The following LRRC37B variants were observed in gnomAD, a reference collection of about 807,000 sequenced individuals.
The protein encoded by LRRC37B is leucine-rich repeat-containing protein 37B.
In LRRC37B, 28 loss-of-function variants were observed where a neutral mutation model predicts 98.3. The ratio of observed to expected loss-of-function variants is 0.28; its 90% CI spans 0.21 to 0.39. The LOEUF is 0.39. LRRC37B is among the 10% of genes least tolerant of loss of function. LRRC37B has a pLI of 1.00. For synonymous variants in LRRC37B, 364 were observed against 442.7 expected, an observed-to-expected ratio of 0.82 and a Z score of 2.23; for missense variants, 938 against 1,182.7, an observed-to-expected ratio of 0.79 and a Z score of 3.03.
rs1035853418 is a variant in LRRC37B at position 32,021,115 on chromosome 17, CT to C, written c.54del (p.Phe18LeufsTer5). On this transcript the variant is annotated frameshift_variant, in exon 1 of 12. Coordinates refer to ENST00000327564, the Ensembl canonical transcript of LRRC37B. LOFTEE classifies it high-confidence loss of function. Reference sequence around the variant, plus strand: ...GAGCATCTCAGGGCTGCCAGAATGGCTTTTGCTGAGTGCATAGCACCAGCGT... The same window carrying C: ...GAGCATCTCAGGGCTGCCAGAATGGCTTTGCTGAGTGCATAGCACCAGCGT... 4 of 1,614,042 alleles carry C rather than the reference CT, an allele frequency of 2.5e-6. No homozygotes were observed. The highest frequency in any genetic ancestry group is 3.4e-6 in the Non-Finnish European group (4 of 1,180,048).
chr17:32,044,921 A>G (rs112131576), intron 7 of LRRC37B, among the ~76,000 whole-genome samples: 5 of 152,160 alleles, frequency 3.3e-5, no homozygotes, highest in Admixed American at 1.3e-4. Flanking sequence ...TTTCCCTTTG[A>G]TAATTAATAA....
intron 5 of LRRC37B, among the ~76,000 whole-genome samples, chr17:32,034,271 G>C (rs1213180115): frequency 1.3e-5 from 2 of 152,092 alleles, no homozygotes; most frequent in Non-Finnish European, 2.9e-5. Context: ...GTAGGCCGAG[G>C]GGGGTGGATC....
chr17:32,034,770 G>A, intron 5 of LRRC37B, 140 bp from the exon 9 acceptor site: 1 of 605,504 alleles, frequency 1.7e-6, no homozygotes, highest in South Asian at 1.9e-5. Flanking sequence ...GCTTTATGGA[G>A]TCTAATGGTG....
chr17:32,009,869 C>G (rs1317460030), intron 1 of LRRC37B, among the ~76,000 whole-genome samples: 1 of 151,600 alleles, frequency 6.6e-6, no homozygotes, highest in Non-Finnish European at 1.5e-5. Context: ...TGGTCTTGAA[C>G]TCCTGAGCTC....
chr17:32,027,527 TTGTGTG>T (rs140364279), intron 2 of LRRC37B, among the ~76,000 whole-genome samples: 1 of 143,176 alleles, frequency 7.0e-6, no homozygotes, highest in African/African-American at 2.6e-5. Context: ...GTGTGTGTGC[TTGTGTG>T]TGTGTGTGTG....
At chr17:32,018,112 A>G (rs1204819282), upstream of LRRC37B, 1 of 167,090 alleles carries the variant, frequency 6.0e-6, no homozygotes, top group Admixed American at 6.1e-5. Flanking sequence ...TCACACCTGT[A>G]ATGCCAGTGC....
At chr17:32,013,156 A>G (rs887053256) in intron 1 of LRRC37B, among the ~76,000 whole-genome samples, 3 of 152,172 alleles carry the variant, frequency 2.0e-5, no homozygotes, top group Admixed American at 6.6e-5. Flanking sequence ...TCTATATATC[A>G]TGATATTCGT....
Position 32,044,015 on chromosome 17 carries a change from G to A in LRRC37B, c.2205-1685G>A, listed in dbSNP as rs565163964. 5.9e-5 allele frequency among the ~76,000 whole-genome samples: 9 copies of A among 151,414 alleles called. No individual in the cohort carries two copies. The South Asian group carries it at 1.9e-3, about 32-fold the overall frequency. ...AGGTAGGTACTATTATAATGACAAG[G>A]CCAAGGAACAGAGATTAAGCAATTT... On this transcript the variant is annotated intron_variant, in intron 7 of 11. Coordinates refer to ENST00000327564, the Ensembl canonical transcript of LRRC37B.
exon 9 of LRRC37B, chr17:32,047,864 C>G: frequency 6.2e-7 from 1 of 1,614,156 alleles, no homozygotes; most frequent in Admixed American, 1.7e-5. Context: ...CGGAGGCGCC[C>G]TCAGACAGCA....
exon 7 of LRRC37B, chr17:32,035,613 C>T: frequency 1.2e-6 from 2 of 1,611,686 alleles, no homozygotes; most frequent in Non-Finnish European, 1.7e-6. Context: ...AGAACATTCT[C>T]ACGATGACTG....
intron 10 of LRRC37B, 122 bp downstream of exon 13, chr17:32,049,516 G>A (rs1911687069): frequency 6.1e-6 from 5 of 815,678 alleles, no homozygotes; most frequent in Non-Finnish European, 7.7e-6. Context: ...TGTAACTTTG[G>A]CCATGACAGT....
chr17:32,018,370 C>T (rs1220690771), upstream of LRRC37B, among the ~76,000 whole-genome samples: 1 of 152,170 alleles, frequency 6.6e-6, no homozygotes, highest in Admixed American at 6.5e-5. Context: ...ATAACATAGC[C>T]AGTGTAACCA....
chr17:32,019,617 A>G (rs921487049), upstream of LRRC37B, among the ~76,000 whole-genome samples: 2 of 152,212 alleles, frequency 1.3e-5, no homozygotes, highest in African/African-American at 4.8e-5. Flanking sequence ...TGGGAACTTA[A>G]TTTGGGGCTA....
At chr17:32,020,077 T>C (rs986968196), upstream of LRRC37B, among the ~76,000 whole-genome samples, 2 of 152,256 alleles carry the variant, frequency 1.3e-5, no homozygotes, top group Non-Finnish European at 2.9e-5. Context: ...ACTTCTGACC[T>C]CAGTGATCCA....
chr17:32,022,080 A>G (rs1461712433), exon 1 of LRRC37B: 1 of 1,613,250 alleles, frequency 6.2e-7, no homozygotes, highest in Non-Finnish European at 8.5e-7. Context: ...AGAGTCCTCT[A>G]TGGAGAGTCT....
intron 9 of LRRC37B, among the ~76,000 whole-genome samples, chr17:32,048,706 A>C (rs1201195744): frequency 6.6e-6 from 1 of 152,232 alleles, no homozygotes; most frequent in Non-Finnish European, 1.5e-5. Context: ...GAAAGTTTAG[A>C]AAGGGCAGTT....
rs368502368 is a variant in LRRC37B, at chr17:32,021,287, C to G, written c.222C>G (p.Pro74=). The change falls in exon 1 of 12, where the codon CCC becomes CCG. Residue 74 remains proline, a synonymous_variant. Coordinates refer to ENST00000327564, the Ensembl canonical transcript of LRRC37B. ...CTAACCCCCTGGGGCCACCTGAGCC[C>G]TGGTCTTCCCGCTCCTCCCATCTCC... 9 of 1,613,302 alleles carry G rather than the reference C, an allele frequency of 5.6e-6. No individual in the cohort carries two copies. In the African/African-American group the frequency reaches 1.1e-4, roughly 19 times the overall value.
chr17:32,035,993 T>A (rs1195932979), intron 7 of LRRC37B: 1 of 214,240 alleles, frequency 4.7e-6, no homozygotes, highest in East Asian at 1.6e-4. Context: ...TTGACTTCTT[T>A]CACTTAGTAT....
Position 32,021,376 on chromosome 17 carries a change from C to A in LRRC37B, c.311C>A (p.Pro104His), listed in dbSNP as rs752954565. 1.4e-5 allele frequency: 23 copies of A among 1,613,992 alleles called. No individual in the cohort carries two copies. The highest frequency in any genetic ancestry group is 1.3e-4 in the East Asian group (6 of 44,870). The change falls in exon 1 of 12, where the codon CCC (proline) becomes CAC (histidine). Residue 104 changes from proline to histidine, a missense_variant. Transcript: ENST00000327564. The stretch of plus-strand genomic sequence containing the variant: ...CCGGGGGACTTTGATTACCTGGGGC[C>A]CTCTGCTTCTTCGCAGATGTCAGCC...
Sources: gnomAD v4.1 joint callset for allele counts (sites outside exome capture counted in the v4.1 genomes callset) on GRCh38, gnomAD v4.1.1 for gene constraint, MANE v1.5 for transcripts, NCBI Gene and HGNC (gene_info 2026-07-23, HGNC 2026-07-21) for gene names.